Variants in CMC1 observed in about 807,000 individuals in gnomAD.
The protein encoded by CMC1 is C-X9-C motif containing 1, also known as COX assembly mitochondrial protein homolog.
CMC1 carries 14 observed loss-of-function variants against 14.1 expected under a neutral mutation model. The observed-to-expected ratio is 0.99, with a 90% CI of 0.66 to 1.55. The LOEUF (loss-of-function observed/expected upper bound fraction) is 1.55, where lower values mean the gene tolerates loss of function less well. CMC1 is among the 40% of genes most tolerant of loss of function. The pLI, the probability that CMC1 is intolerant of heterozygous loss-of-function variation, is 0.00. For missense variants in CMC1, 127 were observed against 123.8 expected, an observed-to-expected ratio of 1.03 and a Z score of -0.12; for synonymous variants, 50 against 38.4, an observed-to-expected ratio of 1.30 and a Z score of -1.12.
chr3:28,302,205 A>G (rs1314354546), intron 2 of CMC1, among the ~76,000 whole-genome samples: 1 of 152,192 alleles, frequency 6.6e-6, no homozygotes, highest in Non-Finnish European at 1.5e-5. Context: ...TTCGTTTATT[A>G]CTTGTGTCAC....
chr3:28,263,654 A>G (rs997688293), intron 2 of CMC1, among the ~76,000 whole-genome samples: 1 of 152,126 alleles, frequency 6.6e-6, no homozygotes, highest in African/African-American at 2.4e-5. Context: ...ACTTGGTATG[A>G]GTAATTTGGA....
intron 1 of CMC1, among the ~76,000 whole-genome samples, chr3:28,254,656 C>A (rs754061474): frequency 4.6e-5 from 7 of 151,762 alleles, no homozygotes; most frequent in Non-Finnish European, 8.8e-5. Flanking sequence ...GGAATTGATT[C>A]AAAATAATAT....
intron 1 of CMC1, among the ~76,000 whole-genome samples, chr3:28,243,801 C>G (rs184288533): frequency 2.0e-5 from 3 of 152,220 alleles, no homozygotes; most frequent in Non-Finnish European, 4.4e-5. Context: ...TTAACACCCC[C>G]TTTTCCCCCT....
chr3:28,281,443 A>G (rs1559420478), intron 2 of CMC1, among the ~76,000 whole-genome samples: 1 of 152,206 alleles, frequency 6.6e-6, no homozygotes, highest in Non-Finnish European at 1.5e-5. Context: ...ATAACTAGAC[A>G]TTGCTTCAGT....
intron 2 of CMC1, chr3:28,298,435 ATAT>A (rs1413798884): frequency 3.4e-5 from 5 of 148,344 alleles, no homozygotes; most frequent in East Asian, 1.9e-4. Context: ...TTTATATATA[ATAT>A]TCTATATAAA....
At chr3:28,275,424 C>T (rs1700531419) in intron 2 of CMC1, among the ~76,000 whole-genome samples, 2 of 146,570 alleles carry the variant, frequency 1.4e-5, no homozygotes, top group Admixed American at 1.4e-4. Flanking sequence ...TTACCTGTTT[C>T]CCTCCTGCAT....
At chr3:28,292,805 C>T (rs1403578629) in intron 2 of CMC1, 2 of 152,164 alleles carry the variant, frequency 1.3e-5, no homozygotes, top group African/African-American at 2.4e-5. Flanking sequence ...GTGCTGTGAG[C>T]TCCTTGCAGT....
chr3:28,297,610 A>G (rs962393756), intron 2 of CMC1, among the ~76,000 whole-genome samples: 2 of 152,106 alleles, frequency 1.3e-5, no homozygotes, highest in Non-Finnish European at 2.9e-5. Context: ...GACACAGACC[A>G]TCAGCCTTCA....
At chr3:28,300,726 C>G (rs1701998914) in intron 2 of CMC1, among the ~76,000 whole-genome samples, 2 of 142,438 alleles carry the variant, frequency 1.4e-5, no homozygotes, top group South Asian at 2.3e-4. Flanking sequence ...TCCTTCCTCC[C>G]TCTCTCCCTG....
At chr3:28,313,905 T>C (rs1386679875) in intron 2 of CMC1, among the ~76,000 whole-genome samples, 2 of 152,204 alleles carry the variant, frequency 1.3e-5, no homozygotes, top group African/African-American at 4.8e-5. Flanking sequence ...GGAAAAGGAC[T>C]GAGGTTTGGT....
chr3:28,270,462 G>A (rs1168564218), intron 2 of CMC1, among the ~76,000 whole-genome samples: 2 of 152,134 alleles, frequency 1.3e-5, no homozygotes, highest in Non-Finnish European at 2.9e-5. Flanking sequence ...TGACTGGCAT[G>A]AGATGGTATC....
At chr3:28,319,111 G>C (rs929079986) in intron 3 of CMC1, 20 of 374,934 alleles carry the variant, frequency 5.3e-5, no homozygotes, top group African/African-American at 4.3e-4. Context: ...ATGGATTTCT[G>C]TTGGTCTTTC....
intron 3 of CMC1, 195 bp downstream of exon 3, chr3:28,316,618 CA>C (rs1702938629): frequency 2.7e-6 from 1 of 374,532 alleles, no homozygotes; most frequent in Admixed American, 4.3e-5. Context: ...ATTTTCTCAG[CA>C]TTGTATCTGA....
At chr3:28,313,870 A>T (rs1000338961) in intron 2 of CMC1, among the ~76,000 whole-genome samples, 1 of 152,258 alleles carries the variant, frequency 6.6e-6, no homozygotes, top group Admixed American at 6.5e-5. Flanking sequence ...AGCATTTGCT[A>T]ACAGCCGTTG....
At position 28,321,715 on chromosome 3, in the gene CMC1, C is replaced by CATTT; in HGVS notation, c.*2091_*2094dup. 1 of 151,330 alleles carries CATTT rather than the reference C, an allele frequency of 6.6e-6. No individual in the cohort carries two copies. The highest frequency in any genetic ancestry group is 2.1e-4 in the South Asian group (1 of 4,826). 9.4% of individuals were successfully genotyped at this position (151,330 alleles called of 1,614,324 possible). A position where few individuals can be genotyped will look rare whatever the true frequency, so the allele number is the denominator to read the frequency against. ...TCAGCTCTTCAAGTCTGAATTTTCC[C>CATTT]ATTTATTTTGGTTTTCTAATGTTTC... On this transcript the variant is annotated 3_prime_UTR_variant, in exon 4 of 4. Coordinates refer to ENST00000466830, the MANE Select transcript of CMC1 (RefSeq NM_182523.2).
chr3:28,319,707 A>G lies in CMC1; in HGVS notation c.*78A>G. On this transcript the variant is annotated 3_prime_UTR_variant, in exon 4 of 4. Transcript: ENST00000466830. Reference sequence around the variant, plus strand: ...TAGTCCTTAAATAATGGACTCAAGCATATATGTTTGCTTTACCTTAATTAT... The same window carrying G: ...TAGTCCTTAAATAATGGACTCAAGCGTATATGTTTGCTTTACCTTAATTAT... 1 of 1,152,294 alleles carries G rather than the reference A, an allele frequency of 8.7e-7. No homozygotes were observed. The highest frequency in any genetic ancestry group is 1.8e-5 in the South Asian group (1 of 56,116). The allele number at this position is 1,152,294 out of a possible 1,614,324, so 71.4% of individuals were successfully genotyped here.
intron 1 of CMC1, among the ~76,000 whole-genome samples, chr3:28,262,293 G>T (rs1049797648): frequency 6.6e-6 from 1 of 151,986 alleles, no homozygotes; most frequent in South Asian, 2.1e-4. Flanking sequence ...GCTGTCTGAG[G>T]ACTCAGGTCT....
At chr3:28,264,669 C>A (rs1443668266) in intron 2 of CMC1, among the ~76,000 whole-genome samples, 1 of 152,144 alleles carries the variant, frequency 6.6e-6, no homozygotes, top group Non-Finnish European at 1.5e-5. Flanking sequence ...ACAAGAGGTA[C>A]ATCCTGCACA....
intron 2 of CMC1, among the ~76,000 whole-genome samples, chr3:28,283,179 C>T (rs186342972): frequency 9.2e-5 from 14 of 152,174 alleles, no homozygotes; most frequent in Admixed American, 9.2e-4. Flanking sequence ...AATTGACTAG[C>T]TTTAGGTCAA....
Sources: gnomAD v4.1 joint callset for allele counts (sites outside exome capture counted in the v4.1 genomes callset) on GRCh38, gnomAD v4.1.1 for gene constraint, MANE v1.5 for transcripts, NCBI Gene and HGNC (gene_info 2026-07-23, HGNC 2026-07-21) for gene names.